FRY: variants seen among roughly 807,000 people sequenced by gnomAD.
The protein encoded by FRY is protein furry homolog.
A neutral mutation model predicts 348.4 loss-of-function variants in FRY; 128 were observed. The ratio of observed to expected loss-of-function variants is 0.37; its 90% CI spans 0.32 to 0.43. The LOEUF (loss-of-function observed/expected upper bound fraction) is 0.43. Among genes scored for constraint, FRY ranks in the 20% least tolerant of loss-of-function variants. The pLI is 1.00. For synonymous variants in FRY, 1,370 were observed against 1,374.7 expected (o/e 1.00, Z 0.08); for missense variants, 2,736 against 3,695.2 (o/e 0.74, Z 6.73).
chr13:32,257,951 A>T (rs1432721386), intron 51 of FRY: 1 of 1,606,400 alleles, frequency 6.2e-7, no homozygotes, highest in Non-Finnish European at 8.5e-7. Context: ...TGCTCATTCA[A>T]TCTGCTACCC....
chr13:32,138,195 A>G (rs1879842114), intron 11 of FRY, among the ~76,000 whole-genome samples: 5 of 150,886 alleles, frequency 3.3e-5, no homozygotes, highest in Non-Finnish European at 1.5e-5. Flanking sequence ...GCCTAGTGTC[A>G]TTTGTTAACT....
intron 15 of FRY, 142 bp from the exon 16 acceptor site, chr13:32,157,131 G>A (rs1881161921): frequency 1.4e-6 from 1 of 724,004 alleles, no homozygotes; most frequent in Admixed American, 2.0e-5. Flanking sequence ...CTGTGCAGAT[G>A]AGATTGAATC....
intron 2 of FRY, among the ~76,000 whole-genome samples, chr13:32,096,440 G>T (rs536485629): frequency 2.4e-4 from 37 of 151,852 alleles, no homozygotes; most frequent in East Asian, 1.9e-3. Context: ...AAAACTGCGG[G>T]GGGGGGCTTC....
chr13:32,173,131 T>G (rs553014543), intron 18 of FRY, among the ~76,000 whole-genome samples: 3 of 152,320 alleles, frequency 2.0e-5, no homozygotes, highest in South Asian at 4.1e-4. Flanking sequence ...TTATTTTTCA[T>G]CAGAAGTAAC....
intron 17 of FRY, among the ~76,000 whole-genome samples, chr13:32,170,179 A>T (rs960078545): frequency 1.1e-4 from 16 of 152,238 alleles, no homozygotes; most frequent in Non-Finnish European, 2.2e-4. Context: ...CTTCTGGATG[A>T]GTCCTTTAGC....
chr13:32,127,824 T>C (rs1479857985), intron 7 of FRY, among the ~76,000 whole-genome samples: 1 of 152,020 alleles, frequency 6.6e-6, no homozygotes, highest in African/African-American at 2.4e-5. Flanking sequence ...AAATGAGAAA[T>C]AAATAAACTT....
intron 40 of FRY, among the ~76,000 whole-genome samples, chr13:32,228,988 C>G (rs964332383): frequency 6.6e-6 from 1 of 152,120 alleles, no homozygotes; most frequent in African/African-American, 2.4e-5. Context: ...ATCAGAGCTG[C>G]CAGGGGTTAG....
At chr13:32,043,781 C>T (rs1462432687) in intron 1 of FRY, among the ~76,000 whole-genome samples, 1 of 152,170 alleles carries the variant, frequency 6.6e-6, no homozygotes, top group East Asian at 1.9e-4. Context: ...AAAAAAGGAA[C>T]ACTTCCTCAT....
intron 57 of FRY, among the ~76,000 whole-genome samples, chr13:32,276,803 A>G (rs1888558149): frequency 6.6e-6 from 1 of 151,572 alleles, no homozygotes; most frequent in Admixed American, 6.6e-5. Flanking sequence ...AAGAAATTGG[A>G]AAAAAAAATG....
Position 32,261,712 on chromosome 13 carries a change from T to A in FRY, c.7513T>A (p.Ser2505Thr). ...DMQILEERQL[S>T]GSTPSLNKMH... ...GCAGATTCTGGAGGAGCGCCAACTG[T>A]CAGGAAGCACTCCTAGCCTGAATAA... The change falls in exon 52 of 61, where the codon TCA becomes ACA. Residue 2505 changes from serine to threonine, a missense_variant. This residue lies in a region of FRY where 789 missense variants were observed against 996.2 expected (regional missense o/e 0.79). Transcript: ENST00000542859. 6.2e-7 allele frequency: 1 copy of A among 1,614,028 alleles called. No individual in the cohort carries two copies. The highest frequency in any genetic ancestry group is 8.5e-7 in the Non-Finnish European group (1 of 1,179,930).
rs187870007 is a variant in FRY, at chr13:32,154,895, A to C, written c.1480-596A>C. On this transcript the variant is annotated intron_variant, in intron 14 of 60. Coordinates refer to ENST00000542859, the MANE Select transcript of FRY (RefSeq NM_023037.3). The stretch of plus-strand genomic sequence containing the variant: ...CAAAGTTGTGCCATACCTGAGCCTA[A>C]GGAAGATCAATCTGGCCCACAATCA... Among the ~76,000 whole-genome samples, 570 of 152,332 alleles carry C rather than the reference A, an allele frequency of 3.7e-3. 8 individuals carry two copies. Among genetic ancestry groups the C allele is most frequent in the African/African-American group, 0.013 (552 of 41,572 alleles).
At chr13:32,261,982 T>C (rs1354335202) in intron 52 of FRY, among the ~76,000 whole-genome samples, 166 bp downstream of exon 52, 1 of 152,198 alleles carries the variant, frequency 6.6e-6, no homozygotes, top group Non-Finnish European at 1.5e-5. Flanking sequence ...GTCTTCTCTG[T>C]AGGTTGCAGA....
At chr13:32,167,683 T>C (rs1881816278) in intron 17 of FRY, among the ~76,000 whole-genome samples, 2 of 152,336 alleles carry the variant, frequency 1.3e-5, no homozygotes, top group South Asian at 4.1e-4. Flanking sequence ...AACATTTATG[T>C]AGTGTCTGCA....
At chr13:32,094,723 G>C (rs1008052292) in intron 2 of FRY, among the ~76,000 whole-genome samples, 1 of 152,078 alleles carries the variant, frequency 6.6e-6, no homozygotes, top group South Asian at 2.1e-4. Flanking sequence ...GTACTTCATC[G>C]TGTATATGTG....
chr13:32,117,222 TA>T, intron 3 of FRY, 111 bp from the exon 4 acceptor site: 4 of 940,388 alleles, frequency 4.3e-6, no homozygotes, highest in Non-Finnish European at 6.7e-6. Flanking sequence ...AGGACTGTGA[TA>T]CGGAAGAAAA....
At chr13:32,190,516 G>A (rs969733413) in intron 28 of FRY, among the ~76,000 whole-genome samples, 1 of 152,040 alleles carries the variant, frequency 6.6e-6, no homozygotes, top group Non-Finnish European at 1.5e-5. Flanking sequence ...GTACAGCAAC[G>A]ATGGGGAGCT....
In FRY at chr13:32,295,884, C is replaced by G. The variant is rs774955747; in HGVS notation, c.*424C>G. 2 of 169,496 alleles carry G rather than the reference C, an allele frequency of 1.2e-5. No homozygotes were observed. Among genetic ancestry groups the G allele is most frequent in the Admixed American group, 1.2e-4 (2 of 17,014 alleles). The allele number at this position is 169,496 out of a possible 1,614,324, so 10.5% of individuals were successfully genotyped here. On this transcript the variant is annotated 3_prime_UTR_variant, in exon 61 of 61. Transcript: ENST00000542859. ...TGTATATTCTTTCCCTGTCTTGTTC[C>G]ATTTTCTTTTCTTTTTTCTTTTTTC...
intron 2 of FRY, among the ~76,000 whole-genome samples, chr13:32,098,714 A>T (rs1181405497): frequency 2.0e-5 from 3 of 151,988 alleles, no homozygotes; most frequent in Non-Finnish European, 4.4e-5. Context: ...AGTAGTGTGT[A>T]TCGTGTGTTC....
chr13:32,130,310 G>C (rs1056285465), intron 7 of FRY, among the ~76,000 whole-genome samples: 1 of 151,850 alleles, frequency 6.6e-6, no homozygotes, highest in Non-Finnish European at 1.5e-5. Flanking sequence ...CAAAGTGCTG[G>C]GATTACAGGC....
Sources: gnomAD v4.1 joint callset for allele counts (sites outside exome capture counted in the v4.1 genomes callset) on GRCh38, gnomAD v4.1.1 for gene constraint, gnomAD v4.1.1 regional missense constraint, MANE v1.5 for transcripts, NCBI Gene and HGNC (gene_info 2026-07-23, HGNC 2026-07-21) for gene names.